ANGPTL7: variants seen among roughly 807,000 people sequenced by gnomAD.
The protein encoded by ANGPTL7 is angiopoietin-related protein 7.
ANGPTL7 carries 37 observed loss-of-function variants against 38.8 expected under a neutral mutation model. That is an observed-to-expected ratio of 0.95 (90% CI 0.73 to 1.25). The LOEUF (loss-of-function observed/expected upper bound fraction) is 1.25, where lower values mean the gene tolerates loss of function less well. ANGPTL7 is among the 50% of genes most tolerant of loss of function. The pLI is 0.00. For missense variants in ANGPTL7, 427 were observed against 438.6 expected (o/e 0.97, Z 0.24); for synonymous variants, 166 against 163.2 (o/e 1.02, Z -0.13).
rs1645459106 is a variant in ANGPTL7, at chr1:11,189,870, T to C, written c.291T>C (p.Asp97=). Residue 97 remains aspartate (D), a synonymous_variant, in exon 1 of 5, where the codon GAT becomes GAC. Transcript: ENST00000376819. The part of the protein sequence containing the change: ...NSKRMESRLT[D]AESKYSEMNN... ...AGCGCATGGAGTCGCGGCTCACAGA[T>C]GCTGAGAGCAAGTACTCCGAGATGA... 10 of 1,614,186 alleles carry C rather than the reference T, an allele frequency of 6.2e-6. No homozygotes were observed. Among genetic ancestry groups the C allele is most frequent in the Non-Finnish European group, 8.5e-6 (10 of 1,180,030 alleles).
Position 11,189,455 on chromosome 1 carries a change from A to G in ANGPTL7, c.-125A>G, listed in dbSNP as rs1211127611. 1.7e-6 allele frequency: 2 copies of G among 1,178,864 alleles called. No homozygotes were observed. The highest frequency in any genetic ancestry group is 3.1e-5 in the African/African-American group (2 of 65,268). The allele number at this position is 1,178,864 out of a possible 1,614,324, so 73.0% of individuals were successfully genotyped here. On this transcript the variant is annotated 5_prime_UTR_variant, in exon 1 of 5. Coordinates refer to ENST00000376819, the MANE Select transcript of ANGPTL7 (RefSeq NM_021146.4). ...AGAGCAAGGAAAGAGAGAAAACAAC[A>G]AAGTGGCGAGGCCCTCAGAGTGAAA...
intron 1 of ANGPTL7, among the ~76,000 whole-genome samples, chr1:11,190,565 G>T (rs1201559547): frequency 1.3e-5 from 2 of 152,032 alleles, no homozygotes; most frequent in Non-Finnish European, 1.5e-5. Context: ...TTTTTCCATG[G>T]TCTTAAATGA....
intron 3 of ANGPTL7, 117 bp downstream of exon 3, chr1:11,193,891 T>C (rs752540477): frequency 1.1e-5 from 12 of 1,098,606 alleles, no homozygotes; most frequent in Non-Finnish European, 1.6e-5. Flanking sequence ...TTCATTGTGA[T>C]GGTTTTCCTG....
At chr1:11,193,813 C>T in intron 3 of ANGPTL7, 39 bp downstream of exon 3, 1 of 1,602,532 alleles carries the variant, frequency 6.2e-7, no homozygotes, top group Non-Finnish European at 8.5e-7. Context: ...TGGACCAGTG[C>T]CACCACACAT....
chr1:11,195,562 T>C lies in ANGPTL7; in HGVS notation c.*539T>C, dbSNP rs567852782. The C allele has an allele frequency of 6.5e-6, 1 of 154,980 alleles. No individual in the cohort carries two copies. The highest frequency in any genetic ancestry group is 2.0e-4 in the South Asian group (1 of 4,998). The allele number at this position is 154,980 out of a possible 1,614,324, so 9.6% of individuals were successfully genotyped here. ...ACACATTATTTTTAAAACACAAAAA[T>C]TGTTCGGCTGGAACTGACCCAGGCT... On this transcript the variant is annotated 3_prime_UTR_variant, in exon 5 of 5. Transcript: ENST00000376819.
Position 11,192,245 on chromosome 1 carries a change from C to T in ANGPTL7, c.377-25C>T, listed in dbSNP as rs370783607. 168 of 1,545,412 alleles carry T rather than the reference C, an allele frequency of 1.1e-4. 1 individual carries two copies. Among genetic ancestry groups the T allele is most frequent in the Non-Finnish European group, 2.1e-5 (23 of 1,118,212 alleles). ...GATGGAGCCACTGGGTCTAAATGCT[C>T]ACCCTGTGGTTTGTTCTCTTGTAGA... is the stretch of plus-strand genomic sequence containing the variant. On this transcript the variant is annotated intron_variant, in intron 1 of 4. Transcript: ENST00000376819.
chr1:11,191,229 T>C (rs1645518937), intron 1 of ANGPTL7, among the ~76,000 whole-genome samples: 2 of 152,226 alleles, frequency 1.3e-5, no homozygotes, highest in Admixed American at 1.3e-4. Context: ...CATCATTCCT[T>C]ATTTTTCTTC....
chr1:11,194,812 T>TCACA (rs772486834), intron 4 of ANGPTL7, 42 bp from the exon 5 acceptor site: 5 of 1,610,162 alleles, frequency 3.1e-6, no homozygotes, highest in African/African-American at 1.3e-5. Context: ...GTCTGGTCTA[T>TCACA]CACAGTCAAC....
rs779395182 is a variant in ANGPTL7, at chr1:11,194,466, G to C, written c.678G>C (p.Trp226Cys). ...PTRLRVEMED[W>C]EGNLRYAEYS... ...GGCTCTGCTCCTCCTGACAGGACTGGGAGGGCAACCTGCGCTACGCTGAGT... is the reference window on the plus strand; with the variant it reads ...GGCTCTGCTCCTCCTGACAGGACTGCGAGGGCAACCTGCGCTACGCTGAGT... The change falls in exon 4 of 5, where the codon TGG (tryptophan) becomes TGC (cysteine). Residue 226 changes from tryptophan to cysteine, a missense_variant. By Grantham distance (215) the Trp-to-Cys change is radical. Transcript: ENST00000376819. 7 of 1,613,794 alleles carry C rather than the reference G, an allele frequency of 4.3e-6. No homozygotes were observed. Among genetic ancestry groups the C allele is most frequent in the African/African-American group, 1.3e-5 (1 of 74,930 alleles).
At chr1:11,190,786 T>C (rs1194262249) in intron 1 of ANGPTL7, among the ~76,000 whole-genome samples, 2 of 152,240 alleles carry the variant, frequency 1.3e-5, no homozygotes, top group South Asian at 2.1e-4. Flanking sequence ...GCATATCCTA[T>C]AGACATGTCA....
chr1:11,190,229 A>G (rs866121185), intron 1 of ANGPTL7, among the ~76,000 whole-genome samples: 6 of 152,338 alleles, frequency 3.9e-5, no homozygotes. Context: ...AGCAAGTCTT[A>G]GAAGCAGGGT....
At chr1:11,191,504 C>T (rs1327597582) in intron 1 of ANGPTL7, among the ~76,000 whole-genome samples, 1 of 152,144 alleles carries the variant, frequency 6.6e-6, no homozygotes, top group African/African-American at 2.4e-5. Flanking sequence ...AGGCAGGAAG[C>T]TTCTCTTGGA....
rs763993107 is a variant in ANGPTL7, at chr1:11,194,596, G to A, written c.808G>A (p.Ala270Thr). Reference sequence around the variant, plus strand: ...CGCCCTCCAGTATCATAACAACACAGCCTTCAGCACCAAGGACAAGGACAA... The same window carrying A: ...CGCCCTCCAGTATCATAACAACACAACCTTCAGCACCAAGGACAAGGACAA... Reference protein sequence around the residue: ...NDALQYHNNTAFSTKDKDNDN... With the variant: ...NDALQYHNNTTFSTKDKDNDN... The change falls in exon 4 of 5, where the codon GCC becomes ACC. Residue 270 changes from alanine to threonine, a missense_variant. Physicochemically the swap from Ala to Thr is moderately conservative, Grantham distance 58. Coordinates refer to ENST00000376819, the MANE Select transcript of ANGPTL7 (RefSeq NM_021146.4). 2 of 1,614,060 alleles carry A rather than the reference G, an allele frequency of 1.2e-6. No homozygotes were observed. Among genetic ancestry groups the A allele is most frequent in the African/African-American group, 2.7e-5 (2 of 74,914 alleles).
intron 1 of ANGPTL7, among the ~76,000 whole-genome samples, chr1:11,191,328 C>T (rs147286221): frequency 6.6e-6 from 1 of 152,112 alleles, no homozygotes; most frequent in South Asian, 2.1e-4. Flanking sequence ...ACCACTAAGA[C>T]GAAATGAAGA....
rs901100424 is a variant in ANGPTL7, at chr1:11,189,860, G to A, written c.281G>A (p.Arg94Gln). Residue 94 changes from arginine to glutamine, a missense_variant, in exon 1 of 5, where the codon CGG (arginine) becomes CAG (glutamine). By Grantham distance (43) the Arg-to-Gln change is conservative. Coordinates refer to ENST00000376819, the MANE Select transcript of ANGPTL7 (RefSeq NM_021146.4). Reference protein sequence around the residue: ...LESNSKRMESRLTDAESKYSE... With the variant: ...LESNSKRMESQLTDAESKYSE... ...AGCAACAGCAAGCGCATGGAGTCGCGGCTCACAGATGCTGAGAGCAAGTAC... is the reference window on the plus strand; with the variant it reads ...AGCAACAGCAAGCGCATGGAGTCGCAGCTCACAGATGCTGAGAGCAAGTAC... The A allele has an allele frequency of 4.3e-6, 7 of 1,614,064 alleles. No homozygotes were observed. Among genetic ancestry groups the A allele is most frequent in the African/African-American group, 4.0e-5 (3 of 74,924 alleles).
rs773141278 is a variant in ANGPTL7, at chr1:11,192,234, G to A, written c.377-36G>A. On this transcript the variant is annotated intron_variant, in intron 1 of 4. Coordinates refer to ENST00000376819, the MANE Select transcript of ANGPTL7 (RefSeq NM_021146.4). ...CACTCAACTCAGATGGAGCCACTGG[G>A]TCTAAATGCTCACCCTGTGGTTTGT... is the stretch of plus-strand genomic sequence containing the variant. 5 of 1,497,412 alleles carry A rather than the reference G, an allele frequency of 3.3e-6. No individual in the cohort carries two copies. The South Asian group carries it at 5.7e-5, about 17-fold the overall frequency. The allele number at this position is 1,497,412 out of a possible 1,614,324, so 92.8% of individuals were successfully genotyped here.
chr1:11,193,471 G>T, intron 2 of ANGPTL7, 109 bp from the exon 3 acceptor site: 1 of 952,166 alleles, frequency 1.1e-6, no homozygotes, highest in Admixed American at 2.9e-5. Context: ...CTGCGGGAGT[G>T]CACACATCTA....
chr1:11,190,916 A>G (rs947068171), intron 1 of ANGPTL7, among the ~76,000 whole-genome samples: 1 of 152,258 alleles, frequency 6.6e-6, no homozygotes, highest in Admixed American at 6.5e-5. Flanking sequence ...AAAAGTTTTA[A>G]CATGAAACCA....
Position 11,195,250 on chromosome 1 carries a change from T to A in ANGPTL7, c.*227T>A, listed in dbSNP as rs1437888699. 1 of 518,562 alleles carries A rather than the reference T, an allele frequency of 1.9e-6. No homozygotes were observed. The highest frequency in any genetic ancestry group is 1.9e-5 in the African/African-American group (1 of 52,286). The allele number at this position is 518,562 out of a possible 1,614,324, so 32.1% of individuals were successfully genotyped here. A position where few individuals can be genotyped will look rare whatever the true frequency, so the allele number is the denominator to read the frequency against. ...CCCACTGGGTCCTGCCACATCCTTC[T>A]CAAGGTGGTAGACTGAGTGGGGTCT... On this transcript the variant is annotated 3_prime_UTR_variant, in exon 5 of 5. Transcript: ENST00000376819.
Sources: allele counts gnomAD v4.1 joint callset (sites outside exome capture counted in the v4.1 genomes callset), GRCh38; gene constraint gnomAD v4.1.1; transcripts MANE v1.5; gene names NCBI Gene and HGNC (gene_info 2026-07-23, HGNC 2026-07-21).